Variants in TRUB1 observed in about 807,000 individuals in gnomAD.
TRUB1 encodes TruB pseudouridine synthase family member 1.
A neutral mutation model predicts 33.9 loss-of-function variants in TRUB1; 23 were observed. The observed-to-expected ratio is 0.68, with a 90% CI of 0.49 to 0.96. The LOEUF is 0.96. Ranked by LOEUF, TRUB1 falls within the 40% of genes least tolerant of loss-of-function variation. The pLI, the probability that TRUB1 is intolerant of heterozygous loss-of-function variation, is 0.00. For missense variants in TRUB1, 378 were observed against 422.2 expected (o/e 0.90, Z 0.92); for synonymous variants, 163 against 165.4 (o/e 0.99, Z 0.11).
chr10:114,960,657 T>A (rs1470553090), intron 4 of TRUB1, among the ~76,000 whole-genome samples: 2 of 152,156 alleles, frequency 1.3e-5, no homozygotes, highest in East Asian at 3.8e-4. Context: ...TCTTGCTCAA[T>A]TAATCAAGCA....
chr10:114,968,374 G>C (rs1291477081), intron 4 of TRUB1, among the ~76,000 whole-genome samples: 1 of 152,152 alleles, frequency 6.6e-6, no homozygotes, highest in Admixed American at 6.6e-5. Flanking sequence ...AAGTTGTTTG[G>C]CCTTGTTTTT....
At chr10:114,949,002 T>C (rs1392712927) in intron 2 of TRUB1, among the ~76,000 whole-genome samples, 1 of 152,264 alleles carries the variant, frequency 6.6e-6, no homozygotes, top group Admixed American at 6.5e-5. Context: ...CCGGCCTCTT[T>C]AGCCGTTTAG....
rs1034465790 is a variant in TRUB1, at chr10:114,975,844, A to G, written c.*465A>G. On this transcript the variant is annotated 3_prime_UTR_variant, in exon 8 of 8. Transcript: ENST00000298746. ...CTTTAAATTGTTTAAAGTGGCCATT[A>G]TTGATCTCTTTCTTCTGTTTTGGAG... is the stretch of plus-strand genomic sequence containing the variant. 7.2e-5 allele frequency: 11 copies of G among 152,174 alleles called. No individual in the cohort carries two copies. The highest frequency in any genetic ancestry group is 2.7e-4 in the African/African-American group (11 of 41,426). 9.4% of individuals were successfully genotyped at this position (152,174 alleles called of 1,614,324 possible).
chr10:114,959,715 CCTTCCT>C lies in TRUB1; in HGVS notation c.442-8_442-3del. ...CACGGCCCATTTTCTCTCTTGTTTC[CCTTCCT>C]CTAGAGATATACTGCCATTGGAGAA... On this transcript the variant is annotated splice_polypyrimidine_tract_variant and splice_region_variant and intron_variant, in intron 3 of 7. Transcript: ENST00000298746. 1 of 1,586,696 alleles carries C rather than the reference CCTTCCT, an allele frequency of 6.3e-7. No individual in the cohort carries two copies. Among genetic ancestry groups the C allele is most frequent in the Non-Finnish European group, 8.7e-7 (1 of 1,155,610 alleles).
chr10:114,946,303 T>C (rs1432396384), intron 2 of TRUB1, among the ~76,000 whole-genome samples: 1 of 152,176 alleles, frequency 6.6e-6, no homozygotes, highest in Non-Finnish European at 1.5e-5. Flanking sequence ...AGATATATAC[T>C]TTATCCTGTG....
At chr10:114,948,380 A>G (rs56127697) in intron 2 of TRUB1, among the ~76,000 whole-genome samples, 24,879 of 152,098 alleles carry the variant, frequency 0.16, 4,857 homozygotes, top group African/African-American at 0.47. Context: ...CTAATGTAAA[A>G]TTTCATTTTG....
In TRUB1 at chr10:114,955,367, A is replaced by C. The variant is rs74496573; in HGVS notation, c.441+4218A>C. 6.3e-3 allele frequency among the ~76,000 whole-genome samples: 960 copies of C among 152,338 alleles called. 12 individuals carry two copies. Among genetic ancestry groups the C allele is most frequent in the African/African-American group, 0.022 (907 of 41,580 alleles). On this transcript the variant is annotated intron_variant, in intron 3 of 7. Transcript: ENST00000298746. The stretch of plus-strand genomic sequence containing the variant: ...GAGGTTTTGGAGTGCTGTCTTTATT[A>C]GTTTTCTATATTGTTGATCAAAGTT...
chr10:114,949,137 G>A (rs1051758275), intron 2 of TRUB1, among the ~76,000 whole-genome samples: 6 of 152,170 alleles, frequency 3.9e-5, no homozygotes, highest in Non-Finnish European at 5.9e-5. Context: ...TGAGCACTGT[G>A]ATTTTTCTGT....
At position 114,942,713 on chromosome 10, in the gene TRUB1, ACT is replaced by A. The variant is rs773934092; in HGVS notation, c.358_359del (p.Leu120ArgfsTer40). On this transcript the variant is annotated frameshift_variant, in exon 2 of 8. Coordinates refer to ENST00000298746, the MANE Select transcript of TRUB1 (RefSeq NM_139169.5). LOFTEE classifies it high-confidence loss of function. ...KQTLKIGHGG[T>X]LDSAARGVLV... is the part of the protein sequence containing the mutation. ...GACTTTGAAAATTGGGCATGGAGGG[ACT>A]CTAGACAGCGCAGCCCGAGGAGTTC... 4 of 1,613,916 alleles carry A rather than the reference ACT, an allele frequency of 2.5e-6. No homozygotes were observed. The South Asian group carries it at 4.4e-5, about 18-fold the overall frequency.
chr10:114,969,306 G>A (rs1298702979), intron 4 of TRUB1, among the ~76,000 whole-genome samples: 2 of 150,962 alleles, frequency 1.3e-5, no homozygotes, highest in Non-Finnish European at 3.0e-5. Context: ...GGTTGTGCAC[G>A]CCTGTAATCC....
chr10:114,957,425 T>G (rs1477332303), intron 3 of TRUB1, among the ~76,000 whole-genome samples: 1 of 152,248 alleles, frequency 6.6e-6, no homozygotes, highest in African/African-American at 2.4e-5. Context: ...TATGTATCTG[T>G]GTATCCTTCC....
Position 114,959,812 on chromosome 10 carries a change from G to A in TRUB1, c.523+5G>A, listed in dbSNP as rs1466931708. ...TAACAGAAGAAAAACCTTACGGTATGAAGCTCATCTAATGTAGGCCTCTTT... is the reference window on the plus strand; with the variant it reads ...TAACAGAAGAAAAACCTTACGGTATAAAGCTCATCTAATGTAGGCCTCTTT... On this transcript the variant is annotated splice_donor_5th_base_variant and intron_variant, in intron 4 of 7. Coordinates refer to ENST00000298746, the MANE Select transcript of TRUB1 (RefSeq NM_139169.5). 1 of 1,572,550 alleles carries A rather than the reference G, an allele frequency of 6.4e-7. No homozygotes were observed. Among genetic ancestry groups the A allele is most frequent in the African/African-American group, 1.4e-5 (1 of 73,792 alleles).
At chr10:114,941,244 T>C (rs1485970449) in intron 1 of TRUB1, among the ~76,000 whole-genome samples, 2 of 152,190 alleles carry the variant, frequency 1.3e-5, no homozygotes, top group Non-Finnish European at 2.9e-5. Context: ...CAGTATGTTA[T>C]ATGCCATCAT....
At chr10:114,974,831 CT>C (rs1191603711) in intron 7 of TRUB1, among the ~76,000 whole-genome samples, 1 of 152,148 alleles carries the variant, frequency 6.6e-6, no homozygotes, top group Non-Finnish European at 1.5e-5. Flanking sequence ...ATGATCTCAT[CT>C]GTAAAGTGCG....
At chr10:114,961,920 C>T (rs1356311278) in intron 4 of TRUB1, among the ~76,000 whole-genome samples, 1 of 152,184 alleles carries the variant, frequency 6.6e-6, no homozygotes, top group Admixed American at 6.5e-5. Flanking sequence ...TGACCAATAT[C>T]TTATAATGCC....
At chr10:114,966,265 T>TG (rs1164510370) in intron 4 of TRUB1, among the ~76,000 whole-genome samples, 2 of 152,206 alleles carry the variant, frequency 1.3e-5, no homozygotes, top group African/African-American at 4.8e-5. Flanking sequence ...TTTCTGTGGT[T>TG]GCCTTGAACC....
At chr10:114,968,057 A>T (rs1285845228) in intron 4 of TRUB1, among the ~76,000 whole-genome samples, 2 of 152,156 alleles carry the variant, frequency 1.3e-5, no homozygotes, top group Admixed American at 1.3e-4. Flanking sequence ...TTAGAATTTC[A>T]TTGGTGGGAT....
intron 4 of TRUB1, among the ~76,000 whole-genome samples, chr10:114,969,760 C>A (rs1592054314): frequency 7.1e-6 from 1 of 141,818 alleles, no homozygotes; most frequent in Non-Finnish European, 1.5e-5. Context: ...AGAGAAATTC[C>A]AACAACAGAG....
intron 3 of TRUB1, among the ~76,000 whole-genome samples, chr10:114,955,943 C>T (rs972099916): frequency 6.6e-6 from 1 of 152,154 alleles, no homozygotes; most frequent in African/African-American, 2.4e-5. Context: ...AAAAAGTGTT[C>T]TTTCTCATCC....
Sources: allele counts gnomAD v4.1 joint callset (sites outside exome capture counted in the v4.1 genomes callset), GRCh38; gene constraint gnomAD v4.1.1; transcripts MANE v1.5; gene names NCBI Gene and HGNC (gene_info 2026-07-23, HGNC 2026-07-21).